PRKG1: variants seen among roughly 807,000 people sequenced by gnomAD.
PRKG1 encodes protein kinase cGMP-dependent 1, also known as cGMP-dependent protein kinase 1.
PRKG1 carries 35 observed loss-of-function variants against 88.1 expected under a neutral mutation model. The ratio of observed to expected loss-of-function variants is 0.40; its 90% CI spans 0.30 to 0.53. PRKG1 has a LOEUF of 0.53. PRKG1 is among the 20% of genes least tolerant of loss of function. The probability of loss-of-function intolerance (pLI) is 0.59; values close to 1 mark genes in which losing one functional copy is unlikely to be tolerated. For synonymous variants in PRKG1, 303 were observed against 292.5 expected (o/e 1.04, Z -0.37); for missense variants, 540 against 839.8 (o/e 0.64, Z 4.41).
intron 3 of PRKG1, among the ~76,000 whole-genome samples, chr10:51,548,842 G>A (rs1842507828): frequency 6.6e-6 from 1 of 152,048 alleles, no homozygotes; most frequent in Non-Finnish European, 1.5e-5. Flanking sequence ...ACAAGAGTTT[G>A]TTGGCTTAGT....
intron 3 of PRKG1, among the ~76,000 whole-genome samples, chr10:51,704,159 TTAAA>T (rs1157369848): frequency 2.2e-5 from 3 of 139,452 alleles, no homozygotes; most frequent in African/African-American, 5.4e-5. Context: ...AAAAAAAAAA[TTAAA>T]TAAATAAATA....
At chr10:51,927,503 C>G (rs144244015) in intron 5 of PRKG1, among the ~76,000 whole-genome samples, 1 of 152,114 alleles carries the variant, frequency 6.6e-6, no homozygotes, top group Non-Finnish European at 1.5e-5. Context: ...GAAACCTGCA[C>G]GTTAAATAGT....
At chr10:51,242,867 A>T (rs1031046144) in intron 2 of PRKG1, among the ~76,000 whole-genome samples, 1 of 152,172 alleles carries the variant, frequency 6.6e-6, no homozygotes, top group African/African-American at 2.4e-5. Flanking sequence ...GTTGCAGGTG[A>T]TCACTGAGAA....
chr10:51,614,299 C>T (rs1160077396), intron 3 of PRKG1, among the ~76,000 whole-genome samples: 3 of 151,758 alleles, frequency 2.0e-5, no homozygotes. Flanking sequence ...CTGATATAAG[C>T]AGAGCTACTC....
At chr10:51,080,125 A>G (rs1564592075) in intron 1 of PRKG1, among the ~76,000 whole-genome samples, 1 of 152,218 alleles carries the variant, frequency 6.6e-6, no homozygotes, top group Non-Finnish European at 1.5e-5. Context: ...CAGTTTATGC[A>G]GTAGAAATGA....
chr10:51,703,654 C>G (rs1841529553), intron 3 of PRKG1, among the ~76,000 whole-genome samples: 2 of 152,150 alleles, frequency 1.3e-5, no homozygotes. Context: ...AAACAATAGT[C>G]TGCCAGAAAA....
At chr10:52,159,991 C>G (rs1838235290) in intron 8 of PRKG1, among the ~76,000 whole-genome samples, 1 of 151,972 alleles carries the variant, frequency 6.6e-6, no homozygotes, top group African/African-American at 2.4e-5. Context: ...AGGACAGAAG[C>G]ATTATGGAAT....
chr10:51,640,337 A>T (rs1434517487), intron 3 of PRKG1, among the ~76,000 whole-genome samples: 1 of 152,202 alleles, frequency 6.6e-6, no homozygotes, highest in East Asian at 1.9e-4. Context: ...CAAGAATCTG[A>T]AGCTACCAGA....
chr10:51,547,422 TTA>T (rs1842467984), intron 3 of PRKG1, among the ~76,000 whole-genome samples: 1 of 152,108 alleles, frequency 6.6e-6, no homozygotes, highest in Admixed American at 6.6e-5. Flanking sequence ...GTCAGCAAAT[TTA>T]TATGTTTCAA....
At chr10:52,142,927 C>T (rs558543780) in intron 8 of PRKG1, among the ~76,000 whole-genome samples, 1 of 152,176 alleles carries the variant, frequency 6.6e-6, no homozygotes, top group African/African-American at 2.4e-5. Flanking sequence ...ACAATTAGCA[C>T]AGTATCAGGA....
intron 9 of PRKG1, among the ~76,000 whole-genome samples, chr10:52,175,562 G>A (rs10762628): frequency 0.22 from 33,006 of 151,794 alleles, 5,134 homozygotes; most frequent in African/African-American, 0.44. Flanking sequence ...TTTTTTCGTG[G>A]AACTTCATAC....
intron 8 of PRKG1, among the ~76,000 whole-genome samples, chr10:52,159,190 A>G (rs1838211819): frequency 6.6e-6 from 1 of 151,556 alleles, no homozygotes; most frequent in Non-Finnish European, 1.5e-5. Context: ...ATTTCAAATG[A>G]AATTTATAGG....
intron 2 of PRKG1, among the ~76,000 whole-genome samples, chr10:51,321,571 T>A (rs1178594760): frequency 6.6e-6 from 1 of 152,010 alleles, no homozygotes; most frequent in East Asian, 1.9e-4. Context: ...TTAAAAGCAG[T>A]TGAACTCATG....
intron 5 of PRKG1, among the ~76,000 whole-genome samples, chr10:51,991,869 T>A (rs1025394872): frequency 1.3e-5 from 2 of 152,214 alleles, no homozygotes; most frequent in African/African-American, 4.8e-5. Flanking sequence ...AGCAGCATGA[T>A]TTATAATCCT....
rs529458369 is a variant in PRKG1 at position 52,044,444 on chromosome 10, C to T, written c.763-10040C>T. ...TTTAAAAGGGAAATAATTTTAAAAA[C>T]GACAGAACTCCAATACAAGTATTTT... On this transcript the variant is annotated intron_variant, in intron 5 of 17. Coordinates refer to ENST00000373980, the MANE Select transcript of PRKG1 (RefSeq NM_006258.4). Among the ~76,000 whole-genome samples, 166 of 152,154 alleles carry T rather than the reference C, an allele frequency of 1.1e-3. 1 individual carries two copies. Among genetic ancestry groups the T allele is most frequent in the African/African-American group, 3.5e-3 (147 of 41,520 alleles).
At chr10:52,186,011 GC>G (rs1479030827) in intron 9 of PRKG1, among the ~76,000 whole-genome samples, 1 of 141,578 alleles carries the variant, frequency 7.1e-6, no homozygotes, top group East Asian at 2.0e-4. Context: ...TGCCTTCGAG[GC>G]CTTTTGCCCA....
chr10:52,158,678 T>G (rs1000279664), intron 8 of PRKG1, among the ~76,000 whole-genome samples: 12 of 151,698 alleles, frequency 7.9e-5, no homozygotes, highest in African/African-American at 2.7e-4. Context: ...TTGAGGAGAC[T>G]TAGAATCTAT....
intron 3 of PRKG1, among the ~76,000 whole-genome samples, chr10:51,500,403 A>G (rs1333448834): frequency 6.6e-6 from 1 of 152,154 alleles, no homozygotes; most frequent in Non-Finnish European, 1.5e-5. Context: ...CCTGGATCAT[A>G]TTTTGTATTT....
At chr10:51,029,160 A>G (rs945005099) in intron 1 of PRKG1, among the ~76,000 whole-genome samples, 1 of 152,204 alleles carries the variant, frequency 6.6e-6, no homozygotes, top group Non-Finnish European at 1.5e-5. Flanking sequence ...ATTTGCTTCA[A>G]AATAATAGCT....
Sources: gnomAD v4.1 joint callset for allele counts (sites outside exome capture counted in the v4.1 genomes callset) on GRCh38, gnomAD v4.1.1 for gene constraint, MANE v1.5 for transcripts, NCBI Gene and HGNC (gene_info 2026-07-23, HGNC 2026-07-21) for gene names.